The following XYLT1 variants were observed in gnomAD, a reference collection of about 807,000 sequenced individuals.
XYLT1 encodes beta-D-xylosyltransferase 1.
A neutral mutation model predicts 91.3 loss-of-function variants in XYLT1; 36 were observed. The ratio of observed to expected loss-of-function variants is 0.39; its 90% CI spans 0.30 to 0.52. The LOEUF is 0.52. Among genes scored for constraint, XYLT1 ranks in the 20% least tolerant of loss-of-function variants. The pLI is 0.68. For synonymous variants in XYLT1, 588 were observed against 532.0 expected, an observed-to-expected ratio of 1.11 and a Z score of -1.45; for missense variants, 1,242 against 1,284.5, an observed-to-expected ratio of 0.97 and a Z score of 0.51.
At chr16:17,138,078 C>A (rs2030816723) in intron 8 of XYLT1, among the ~76,000 whole-genome samples, 1 of 152,000 alleles carries the variant, frequency 6.6e-6, no homozygotes, top group South Asian at 2.1e-4. Flanking sequence ...TTTTTTTAAC[C>A]TTTCTGTGCC....
intron 2 of XYLT1, among the ~76,000 whole-genome samples, chr16:17,300,237 A>C (rs575276312): frequency 6.6e-6 from 1 of 152,288 alleles, no homozygotes; most frequent in Non-Finnish European, 1.5e-5. Flanking sequence ...ATCTTTTAAG[A>C]AGTGTGCACA....
chr16:17,232,176 C>A (rs1286117579), intron 3 of XYLT1, among the ~76,000 whole-genome samples: 1 of 141,178 alleles, frequency 7.1e-6, no homozygotes, highest in Non-Finnish European at 1.5e-5. Context: ...ATATATTATA[C>A]AATATATACT....
At chr16:17,156,661 G>T (rs1421483524) in intron 6 of XYLT1, among the ~76,000 whole-genome samples, 3 of 152,160 alleles carry the variant, frequency 2.0e-5, no homozygotes, top group Admixed American at 6.5e-5. Flanking sequence ...AACAAATATG[G>T]ATCCTATACA....
At chr16:17,243,684 T>C (rs1272306409) in intron 3 of XYLT1, among the ~76,000 whole-genome samples, 1 of 152,158 alleles carries the variant, frequency 6.6e-6, no homozygotes, top group African/African-American at 2.4e-5. Context: ...CAGTTCTATG[T>C]GCTTAGCACA....
At chr16:17,366,951 G>A (rs533356246) in intron 1 of XYLT1, among the ~76,000 whole-genome samples, 24 of 152,050 alleles carry the variant, frequency 1.6e-4, no homozygotes, top group Admixed American at 4.6e-4. Context: ...TCAGCATCTG[G>A]CACTAAGAAG....
At chr16:17,395,860 C>T (rs2035878568) in intron 1 of XYLT1, among the ~76,000 whole-genome samples, 1 of 152,166 alleles carries the variant, frequency 6.6e-6, no homozygotes, top group Admixed American at 6.5e-5. Context: ...TCCTCTCTGT[C>T]ACTCTCATCT....
intron 1 of XYLT1, among the ~76,000 whole-genome samples, chr16:17,404,661 C>A (rs1186657016): frequency 2.6e-5 from 4 of 152,184 alleles, no homozygotes; most frequent in Non-Finnish European, 5.9e-5. Context: ...GTTGGCCAGG[C>A]ACAGGGGCAG....
chr16:17,243,646 G>A (rs887273240), intron 3 of XYLT1, among the ~76,000 whole-genome samples: 3 of 152,136 alleles, frequency 2.0e-5, no homozygotes, highest in Non-Finnish European at 4.4e-5. Flanking sequence ...AACCCAAGCC[G>A]ACCGACTCAA....
At chr16:17,246,558 G>A (rs2033438360) in intron 3 of XYLT1, among the ~76,000 whole-genome samples, 1 of 152,182 alleles carries the variant, frequency 6.6e-6, no homozygotes, top group African/African-American at 2.4e-5. Flanking sequence ...ACTTGCAAAT[G>A]TGACCCTGGG....
At chr16:17,269,288 G>A (rs111614272) in intron 2 of XYLT1, among the ~76,000 whole-genome samples, 3,476 of 152,032 alleles carry the variant, frequency 0.023, 125 homozygotes, top group African/African-American at 0.079. Context: ...GACCTCAAGC[G>A]ATCCTCCTGC....
intron 1 of XYLT1, among the ~76,000 whole-genome samples, chr16:17,442,892 C>T (rs1045935223): frequency 5.3e-5 from 8 of 152,076 alleles, no homozygotes; most frequent in Admixed American, 3.9e-4. Flanking sequence ...TTTGGATTTT[C>T]TTCTTCACAT....
chr16:17,260,369 C>A (rs997406919), intron 2 of XYLT1, among the ~76,000 whole-genome samples: 8 of 152,188 alleles, frequency 5.3e-5, no homozygotes, highest in Admixed American at 1.3e-4. Context: ...CTGCTTAAAG[C>A]TCATTCCCAA....
intron 6 of XYLT1, among the ~76,000 whole-genome samples, chr16:17,157,408 G>T (rs1372372847): frequency 6.6e-6 from 1 of 152,054 alleles, no homozygotes; most frequent in Non-Finnish European, 1.5e-5. Flanking sequence ...CAGAGATGTG[G>T]TCGGGGGCCA....
intron 2 of XYLT1, among the ~76,000 whole-genome samples, chr16:17,336,173 C>T (rs568945133): frequency 2.0e-5 from 3 of 152,166 alleles, no homozygotes; most frequent in African/African-American, 7.2e-5. Context: ...ATTAAATCAC[C>T]GAAGCACATT....
intron 3 of XYLT1, among the ~76,000 whole-genome samples, chr16:17,217,756 G>A (rs1023466616): frequency 5.3e-5 from 8 of 152,134 alleles, no homozygotes; most frequent in East Asian, 1.9e-4. Context: ...TGAAAAGTAC[G>A]GGCGGCCAGG....
At chr16:17,456,339 T>C (rs1468679416) in intron 1 of XYLT1, among the ~76,000 whole-genome samples, 1 of 145,074 alleles carries the variant, frequency 6.9e-6, no homozygotes, top group Non-Finnish European at 1.5e-5. Context: ...AACCTTTTTT[T>C]TTTTTTTTTT....
chr16:17,275,114 T>C (rs12917943), intron 2 of XYLT1, among the ~76,000 whole-genome samples: 29,933 of 151,436 alleles, frequency 0.2, 3,328 homozygotes, highest in Middle Eastern at 0.34. Context: ...GAGGTGGGGG[T>C]TGTAGTGAGC....
At chr16:17,409,569 A>G (rs1383804992) in intron 1 of XYLT1, among the ~76,000 whole-genome samples, 2 of 58,596 alleles carry the variant, frequency 3.4e-5, no homozygotes, top group Non-Finnish European at 7.3e-5. Context: ...TTTTTTTTTT[A>G]GATGGAGTCT....
intron 1 of XYLT1, among the ~76,000 whole-genome samples, chr16:17,443,700 G>A (rs1213047287): frequency 6.6e-6 from 1 of 152,190 alleles, no homozygotes; most frequent in African/African-American, 2.4e-5. Flanking sequence ...GAAACGTAGT[G>A]ATACAACTAA....
Sources: allele counts gnomAD v4.1 joint callset (sites outside exome capture counted in the v4.1 genomes callset), GRCh38; gene constraint gnomAD v4.1.1; transcripts MANE v1.5; gene names NCBI Gene and HGNC (gene_info 2026-07-23, HGNC 2026-07-21).